The following KCNK9 variants were observed in gnomAD, a reference collection of about 807,000 sequenced individuals.
KCNK9 encodes the protein potassium channel subfamily K member 9.
Under a neutral mutation model 10.8 loss-of-function variants are expected in KCNK9, and 1 was observed. The ratio of observed to expected loss-of-function variants is 0.09; its 90% CI spans 0.03 to 0.44. The LOEUF (loss-of-function observed/expected upper bound fraction) is 0.44, where lower values mean the gene tolerates loss of function less well. Ranked by LOEUF, KCNK9 falls within the 20% of genes least tolerant of loss-of-function variation. The pLI is 0.97. For synonymous variants in KCNK9, 231 were observed against 222.7 expected, an observed-to-expected ratio of 1.04 and a Z score of -0.33; for missense variants, 303 against 515.0, an observed-to-expected ratio of 0.59 and a Z score of 3.98.
rs560445813 is a variant in KCNK9 at position 139,657,674 on chromosome 8, C to T, written c.284-38575G>A. Among the ~76,000 whole-genome samples the T allele has an allele frequency of 1.3e-4, 20 of 152,304 alleles. No homozygotes were observed. The South Asian group carries it at 3.9e-3, about 30-fold the overall frequency. On this transcript the variant is annotated intron_variant, in intron 1 of 1. Coordinates refer to ENST00000520439, the MANE Select transcript of KCNK9 (RefSeq NM_001282534.2). ...TCTGAGCATAGGGCGTTGACTGGGA[C>T]ACTCCCTTTCCCCATATGCAGAATG...
intron 1 of KCNK9, among the ~76,000 whole-genome samples, chr8:139,640,364 T>C (rs1586654435): frequency 1.3e-5 from 2 of 152,264 alleles, no homozygotes; most frequent in African/African-American, 4.8e-5. Context: ...CATCTCCCAT[T>C]CCAAGGATGA....
chr8:139,702,386 T>G lies in KCNK9; in HGVS notation c.283+324A>C, dbSNP rs1817245966. Among the ~76,000 whole-genome samples the G allele has an allele frequency of 6.6e-6, 1 of 151,610 alleles. No individual in the cohort carries two copies. Among genetic ancestry groups the G allele is most frequent in the East Asian group, 2.0e-4 (1 of 5,098 alleles). On this transcript the variant is annotated intron_variant, in intron 1 of 1. Transcript: ENST00000520439. The surrounding 1 kb of genome is among the most constrained non-coding windows in gnomAD (Gnocchi z 7.5). ...CCGGGGCGGTGGGTGGGTGGGTGTC[T>G]GCTATGGGATTATTCTTAGCGCTCC...
At chr8:139,642,916 T>C (rs1294347743) in intron 1 of KCNK9, among the ~76,000 whole-genome samples, 1 of 152,120 alleles carries the variant, frequency 6.6e-6, no homozygotes, top group East Asian at 1.9e-4. Flanking sequence ...CAGAACAAGA[T>C]TGGGGTAGGT....
chr8:139,666,235 G>A (rs2129720949), intron 1 of KCNK9, among the ~76,000 whole-genome samples: 1 of 152,298 alleles, frequency 6.6e-6, no homozygotes, highest in Non-Finnish European at 1.5e-5. Flanking sequence ...GTGACAAGAG[G>A]CAAGTTCCTA....
intron 1 of KCNK9, among the ~76,000 whole-genome samples, chr8:139,700,896 G>C (rs1817203688): frequency 6.6e-6 from 1 of 152,146 alleles, no homozygotes; most frequent in African/African-American, 2.4e-5. Context: ...TCTCCTCGAT[G>C]TTGTCGCTCA....
chr8:139,612,813 A>C (rs1389189379), downstream of KCNK9: 2 of 152,156 alleles, frequency 1.3e-5, no homozygotes, highest in African/African-American at 4.8e-5. Flanking sequence ...TTTTTTGCCA[A>C]AACTGTCTTA....
chr8:139,697,443 G>T (rs890445735), intron 1 of KCNK9, among the ~76,000 whole-genome samples: 4 of 147,608 alleles, frequency 2.7e-5, no homozygotes, highest in Non-Finnish European at 6.0e-5. Context: ...ATGTGTAGAT[G>T]GGTGGATTGA....
chr8:139,602,753 T>C (rs1323568706), intron 2 of KCNK9, among the ~76,000 whole-genome samples: 1 of 152,220 alleles, frequency 6.6e-6, no homozygotes, highest in Non-Finnish European at 1.5e-5. Flanking sequence ...CTGCTCATCG[T>C]GCAGCATAAC....
At chr8:139,684,642 T>C (rs1016871515) in intron 1 of KCNK9, among the ~76,000 whole-genome samples, 5 of 152,078 alleles carry the variant, frequency 3.3e-5, no homozygotes, top group Admixed American at 6.6e-5. Flanking sequence ...CAAGAAGAAA[T>C]AACAACAAAC....
At chr8:139,604,739 G>A (rs563540240) in intron 2 of KCNK9, among the ~76,000 whole-genome samples, 1 of 152,170 alleles carries the variant, frequency 6.6e-6, no homozygotes, top group African/African-American at 2.4e-5. Flanking sequence ...CAGGGCTCAC[G>A]CCCATCTGTT....
At chr8:139,670,256 T>C (rs533119660) in intron 1 of KCNK9, among the ~76,000 whole-genome samples, 3 of 152,220 alleles carry the variant, frequency 2.0e-5, no homozygotes, top group Non-Finnish European at 2.9e-5. Flanking sequence ...ACGCCAAAGA[T>C]CATTGATCAC....
chr8:139,623,835 C>G (rs572551804), intron 1 of KCNK9, among the ~76,000 whole-genome samples: 30 of 152,282 alleles, frequency 2.0e-4, no homozygotes, highest in African/African-American at 7.0e-4. Context: ...TCAGGAGGGA[C>G]ACACAGGGCA....
At chr8:139,616,350 T>TAAAC (rs1814589161), downstream of KCNK9, 2 of 152,136 alleles carry the variant, frequency 1.3e-5, no homozygotes, top group Non-Finnish European at 2.9e-5. Flanking sequence ...GGCCTCCCAT[T>TAAAC]AAACAAAATC....
At chr8:139,676,859 C>T (rs139880114) in intron 1 of KCNK9, among the ~76,000 whole-genome samples, 3,676 of 152,042 alleles carry the variant, frequency 0.024, 79 homozygotes, top group African/African-American at 0.057. Flanking sequence ...GGCTGAGGCA[C>T]GAGAATCATT....
At chr8:139,608,480 T>G (rs1586621986), downstream of KCNK9, among the ~76,000 whole-genome samples, 1 of 152,220 alleles carries the variant, frequency 6.6e-6, no homozygotes, top group East Asian at 1.9e-4. Flanking sequence ...AGCATCACTG[T>G]GCTTCTCTAG....
chr8:139,607,649 G>C (rs1283491280), downstream of KCNK9, among the ~76,000 whole-genome samples: 2 of 152,170 alleles, frequency 1.3e-5, no homozygotes, highest in Non-Finnish European at 2.9e-5. Flanking sequence ...CTCTGTAGGG[G>C]CCGAGTCTCC....
At chr8:139,677,024 CA>C (rs1441240100) in intron 1 of KCNK9, among the ~76,000 whole-genome samples, 1 of 152,170 alleles carries the variant, frequency 6.6e-6, no homozygotes, top group African/African-American at 2.4e-5. Flanking sequence ...CACAGTCTCA[CA>C]GCTGGTAGGT....
intron 1 of KCNK9, among the ~76,000 whole-genome samples, chr8:139,634,644 C>T (rs1251387721): frequency 6.6e-6 from 1 of 152,110 alleles, no homozygotes; most frequent in Non-Finnish European, 1.5e-5. Context: ...TGGCTCAGAC[C>T]CCAATTTGTC....
intron 1 of KCNK9, among the ~76,000 whole-genome samples, chr8:139,689,179 G>A (rs922365717): frequency 6.6e-6 from 1 of 152,118 alleles, no homozygotes; most frequent in Non-Finnish European, 1.5e-5. Context: ...TTGGACTTCA[G>A]GCATGAAGAA....
Sources: allele counts gnomAD v4.1 joint callset (sites outside exome capture counted in the v4.1 genomes callset), GRCh38; gene constraint gnomAD v4.1.1; non-coding constraint Gnocchi (gnomAD v3.1); transcripts MANE v1.5; gene names NCBI Gene and HGNC (gene_info 2026-07-23, HGNC 2026-07-21).